MDM1: variants seen among roughly 807,000 people sequenced by gnomAD.
The protein encoded by MDM1 is stabilizer of axonemal microtubules 6.
In MDM1, 61 loss-of-function variants were observed where a neutral mutation model predicts 89.1. That is an observed-to-expected ratio of 0.68 (90% CI 0.56 to 0.85). The LOEUF (loss-of-function observed/expected upper bound fraction) is 0.85. Among genes scored for constraint, MDM1 ranks in the 40% least tolerant of loss-of-function variants. MDM1 has a pLI of 0.00. For missense variants in MDM1, 820 were observed against 846.5 expected (o/e 0.97, Z 0.39); for synonymous variants, 290 against 294.1 (o/e 0.99, Z 0.14).
At chr12:68,332,080 T>TCTGGGACCCCTCGAGCAGGCC in intron 1 of MDM1, 148 bp downstream of exon 1, 1 of 1,100,622 alleles carries the variant, frequency 9.1e-7, no homozygotes. Flanking sequence ...GCGGGCAGAT[T>TCTGGGACCCCTCGAGCAGGCC]CTGGGGCCCC....
intron 13 of MDM1, among the ~76,000 whole-genome samples, chr12:68,299,534 G>T (rs1394589802): frequency 6.6e-6 from 1 of 152,044 alleles, no homozygotes; most frequent in Non-Finnish European, 1.5e-5. Context: ...AGAACAAGTA[G>T]AAGATAGCTG....
intron 14 of MDM1, 134 bp downstream of exon 14, chr12:68,296,789 T>C (rs1871455124): frequency 5.6e-6 from 3 of 535,820 alleles, no homozygotes; most frequent in Non-Finnish European, 9.2e-6. Context: ...TCACTCCCCC[T>C]CACAGGGTTT....
At chr12:68,302,380 G>A (rs999039763) in intron 13 of MDM1, among the ~76,000 whole-genome samples, 4 of 152,196 alleles carry the variant, frequency 2.6e-5, no homozygotes, top group Admixed American at 6.5e-5. Flanking sequence ...TGGATTCCCT[G>A]TATGTGTATG....
intron 4 of MDM1, 123 bp downstream of exon 4, chr12:68,325,317 GT>G: frequency 7.4e-7 from 1 of 1,359,046 alleles, no homozygotes; most frequent in Non-Finnish European, 9.5e-7. Flanking sequence ...TCTCATTTTG[GT>G]TTTCTAGAAC....
At chr12:68,332,059 G>A (rs555442646) in intron 1 of MDM1, 169 bp downstream of exon 1, 5 of 844,064 alleles carry the variant, frequency 5.9e-6, no homozygotes, top group East Asian at 5.3e-5. Context: ...AGGGAACTAG[G>A]TTAAGAGGCG....
rs758897142 is a variant in MDM1, at chr12:68,321,530, C to T, written c.900G>A (p.Arg300=). The change falls in exon 6 of 15, where the codon AGG becomes AGA. Residue 300 remains arginine, a synonymous_variant. Coordinates refer to ENST00000682720, the MANE Select transcript of MDM1 (RefSeq NM_001354969.2). ...TTTCCTATTAAAATACATACCCAAGCCTTTGATGTTTCCAAGGAGTAAGCT... is the reference window on the plus strand; with the variant it reads ...TTTCCTATTAAAATACATACCCAAGTCTTTGATGTTTCCAAGGAGTAAGCT... ...KRKLTPWKHQ[R]LGKVNSEYRA... The T allele has an allele frequency of 3.2e-5, 51 of 1,612,296 alleles. No individual in the cohort carries two copies. The highest frequency in any genetic ancestry group is 2.5e-6 in the Non-Finnish European group (3 of 1,179,122).
At chr12:68,326,013 C>T in intron 3 of MDM1, 1 of 994,128 alleles carries the variant, frequency 1.0e-6, no homozygotes, top group Non-Finnish European at 1.2e-6. Context: ...GATTCTTCTC[C>T]AACACTCTGA....
intron 10 of MDM1, among the ~76,000 whole-genome samples, chr12:68,314,421 G>A (rs1245897176): frequency 6.6e-6 from 1 of 152,072 alleles, no homozygotes; most frequent in Non-Finnish European, 1.5e-5. Context: ...TCACATCAAG[G>A]CTCAAGTTCC....
chr12:68,325,955 A>T, intron 3 of MDM1: 1 of 995,736 alleles, frequency 1.0e-6, no homozygotes, highest in Non-Finnish European at 1.2e-6. Context: ...AGACTCACAC[A>T]TCACCTTCCT....
rs776136976 is a variant in MDM1, at chr12:68,326,848, T to C, written c.307A>G (p.Thr103Ala). Residue 103 changes from threonine (T) to alanine (A), a missense_variant, in exon 3 of 15, where the codon ACT (threonine) becomes GCT (alanine). By Grantham distance (58) the Thr-to-Ala change is moderately conservative. Transcript: ENST00000682720. ...TCTAGTGAGTGAACTCTTTCTTGAGTAACATCCTTTTGTTCTGCTTCTTGT... is the reference window on the plus strand; with the variant it reads ...TCTAGTGAGTGAACTCTTTCTTGAGCAACATCCTTTTGTTCTGCTTCTTGT... ...KSQEAEQKDV[T>A]QERVHSLEAS... 7 of 1,613,874 alleles carry C rather than the reference T, an allele frequency of 4.3e-6. No homozygotes were observed. The African/African-American group carries it at 8.0e-5, about 18-fold the overall frequency.
rs763643400 is a variant in MDM1, at chr12:68,295,370, C to T, written c.2063-4G>A. 6.3e-7 allele frequency: 1 copy of T among 1,586,972 alleles called. No homozygotes were observed. Among genetic ancestry groups the T allele is most frequent in the Non-Finnish European group, 8.6e-7 (1 of 1,162,400 alleles). On this transcript the variant is annotated splice_polypyrimidine_tract_variant and splice_region_variant and intron_variant, in intron 14 of 14. Coordinates refer to ENST00000682720, the MANE Select transcript of MDM1 (RefSeq NM_001354969.2). The stretch of plus-strand genomic sequence containing the variant: ...ATCTCAGACAATCTGTCCTCATCTG[C>T]AATGAAAAAATCCCGAGATTATATT...
At chr12:68,302,512 A>G (rs1734894267) in intron 13 of MDM1, 108 bp downstream of exon 13, 3 of 1,069,816 alleles carry the variant, frequency 2.8e-6, no homozygotes, top group Non-Finnish European at 3.9e-6. Flanking sequence ...ACATTAACCA[A>G]AAATACTAAA....
intron 7 of MDM1, among the ~76,000 whole-genome samples, chr12:68,320,145 A>C (rs773499304): frequency 3.3e-5 from 5 of 151,814 alleles, no homozygotes; most frequent in African/African-American, 1.2e-4. Flanking sequence ...GCTTTTCCTC[A>C]CTCCCACTAT....
At chr12:68,313,418 G>C in intron 12 of MDM1, 25 bp downstream of exon 12, 1 of 1,500,326 alleles carries the variant, frequency 6.7e-7, no homozygotes. Flanking sequence ...TAGATGAGAT[G>C]CTTTTTTCCC....
At chr12:68,327,391 G>C (rs1200544053) in intron 2 of MDM1, 1 of 1,535,388 alleles carries the variant, frequency 6.5e-7, no homozygotes, top group African/African-American at 1.4e-5. Context: ...AGAACAATGG[G>C]CCCTGGTACT....
intron 2 of MDM1, among the ~76,000 whole-genome samples, chr12:68,328,120 C>T (rs1158270902): frequency 6.6e-6 from 1 of 152,172 alleles, no homozygotes; most frequent in Non-Finnish European, 1.5e-5. Flanking sequence ...CAAGGTAGAA[C>T]AAAACCTCAG....
intron 3 of MDM1, 148 bp from the exon 4 acceptor site, chr12:68,325,723 G>A (rs1159439979): frequency 4.6e-6 from 6 of 1,291,828 alleles, no homozygotes; most frequent in African/African-American, 1.5e-5. Flanking sequence ...CATGCGCATT[G>A]TGGTACAGCA....
At position 68,298,749 on chromosome 12, in the gene MDM1, T is replaced by C. The variant is rs904232435; in HGVS notation, c.2003-1767A>G. 3.3e-5 allele frequency among the ~76,000 whole-genome samples: 5 copies of C among 152,172 alleles called. No individual in the cohort carries two copies. The East Asian group carries it at 9.6e-4, about 29-fold the overall frequency. The stretch of plus-strand genomic sequence containing the variant: ...TGGGACCTGTGCCCACCAGTGGGTA[T>C]TGCATTCACCCACCTACCTTAGCCA... On this transcript the variant is annotated intron_variant, in intron 13 of 14. Coordinates refer to ENST00000682720, the MANE Select transcript of MDM1 (RefSeq NM_001354969.2).
intron 7 of MDM1, among the ~76,000 whole-genome samples, chr12:68,317,510 T>G (rs1031911280): frequency 6.6e-6 from 1 of 151,956 alleles, no homozygotes; most frequent in Non-Finnish European, 1.5e-5. Flanking sequence ...AAGTGTTACA[T>G]CTCTAGGGAA....
Sources: allele counts gnomAD v4.1 joint callset (sites outside exome capture counted in the v4.1 genomes callset), GRCh38; gene constraint gnomAD v4.1.1; transcripts MANE v1.5; gene names NCBI Gene and HGNC (gene_info 2026-07-23, HGNC 2026-07-21).